Variants in EVA1C observed in about 807,000 individuals in gnomAD.
The protein encoded by EVA1C is eva-1 homolog C, also known as protein eva-1 homolog C.
EVA1C carries 25 observed loss-of-function variants against 45.4 expected under a neutral mutation model. That is an observed-to-expected ratio of 0.55 (90% CI 0.40 to 0.77). The LOEUF (loss-of-function observed/expected upper bound fraction) is 0.77, where lower values mean the gene tolerates loss of function less well. Ranked by LOEUF, EVA1C falls within the 30% of genes least tolerant of loss-of-function variation. The pLI, the probability that EVA1C is intolerant of heterozygous loss-of-function variation, is 0.00. For synonymous variants in EVA1C, 190 were observed against 221.2 expected, an observed-to-expected ratio of 0.86 and a Z score of 1.25; for missense variants, 479 against 554.8, an observed-to-expected ratio of 0.86 and a Z score of 1.37.
rs138933013 is a variant in EVA1C at position 32,489,944 on chromosome 21, G to C, written c.635-5083G>C. On this transcript the variant is annotated intron_variant, in intron 4 of 7. Transcript: ENST00000300255. Reference sequence around the variant, plus strand: ...AGCCTCCTGAGTAACTGGGATTACAGGCGTGTGCCACCGCGCCTGGCTAAT... The same window carrying C: ...AGCCTCCTGAGTAACTGGGATTACACGCGTGTGCCACCGCGCCTGGCTAAT... Among the ~76,000 whole-genome samples the C allele has an allele frequency of 6.2e-3, 946 of 152,198 alleles. 13 individuals are homozygous for C. Among genetic ancestry groups the C allele is most frequent in the African/African-American group, 0.022 (903 of 41,536 alleles).
chr21:32,497,649 A>G (rs558128946), intron 5 of EVA1C, among the ~76,000 whole-genome samples: 4 of 152,274 alleles, frequency 2.6e-5, no homozygotes, highest in African/African-American at 9.6e-5. Context: ...CTTCTTAGCT[A>G]ATTGTATTAG....
At chr21:32,497,680 A>G (rs540635264) in intron 5 of EVA1C, among the ~76,000 whole-genome samples, 1 of 152,282 alleles carries the variant, frequency 6.6e-6, no homozygotes, top group South Asian at 2.1e-4. Flanking sequence ...CACTGCTGAT[A>G]AAGACATACC....
intron 1 of EVA1C, among the ~76,000 whole-genome samples, chr21:32,426,578 C>T (rs987722415): frequency 1.3e-5 from 2 of 152,136 alleles, no homozygotes; most frequent in Non-Finnish European, 2.9e-5. Flanking sequence ...ACTTTGTGAA[C>T]AGTGCATTCA....
At chr21:32,451,295 C>G (rs1343577870) in intron 1 of EVA1C, among the ~76,000 whole-genome samples, 1 of 152,234 alleles carries the variant, frequency 6.6e-6, no homozygotes, top group Non-Finnish European at 1.5e-5. Flanking sequence ...GGCTGCCAAG[C>G]TGTCTCCCAC....
At chr21:32,453,199 ATGT>A (rs2035649016) in intron 1 of EVA1C, 110 bp from the exon 2 acceptor site, 12 of 676,632 alleles carry the variant, frequency 1.8e-5, no homozygotes, top group Non-Finnish European at 2.8e-5. Context: ...CCCATCCCAC[ATGT>A]TGTTGATTGA....
intron 5 of EVA1C, among the ~76,000 whole-genome samples, 186 bp from the exon 6 acceptor site, chr21:32,501,229 T>C (rs2037518449): frequency 1.4e-5 from 1 of 68,966 alleles, no homozygotes; most frequent in African/African-American, 6.2e-5. Context: ...CTGGAGCATT[T>C]GATGATCACA....
At chr21:32,506,992 A>C (rs2037744818) in intron 7 of EVA1C, among the ~76,000 whole-genome samples, 1 of 152,196 alleles carries the variant, frequency 6.6e-6, no homozygotes, top group African/African-American at 2.4e-5. Context: ...GAGTGAATCC[A>C]AAAGTACATT....
At chr21:32,435,167 T>C (rs1226165991) in intron 1 of EVA1C, among the ~76,000 whole-genome samples, 2 of 152,194 alleles carry the variant, frequency 1.3e-5, no homozygotes, top group African/African-American at 4.8e-5. Flanking sequence ...CCATCTCCTT[T>C]ATGAGGCCTT....
chr21:32,441,605 CAT>C (rs1377383332), intron 1 of EVA1C, among the ~76,000 whole-genome samples: 13 of 152,086 alleles, frequency 8.5e-5, no homozygotes, highest in African/African-American at 3.1e-4. Flanking sequence ...AATGGATTGA[CAT>C]GTGTAGACAA....
In EVA1C at chr21:32,472,159, ATTT is replaced by A. The variant is rs1277930543; in HGVS notation, c.634+4312_634+4314del. Reference sequence around the variant, plus strand: ...AAAGTTGGATTTAATTAATTAATTTATTTATTTATTTATTTTTGAGACAGACTC... The same window carrying A: ...AAAGTTGGATTTAATTAATTAATTTAATTTATTTATTTTTGAGACAGACTC... On this transcript the variant is annotated intron_variant, in intron 4 of 7. Coordinates refer to ENST00000300255, the MANE Select transcript of EVA1C (RefSeq NM_058187.5). Among the ~76,000 whole-genome samples the A allele has an allele frequency of 7.4e-4, 113 of 152,012 alleles. No homozygotes were observed. The Middle Eastern group carries it at 0.01, about 14-fold the overall frequency.
At chr21:32,508,283 C>T (rs1369358909) in intron 7 of EVA1C, among the ~76,000 whole-genome samples, 1 of 152,188 alleles carries the variant, frequency 6.6e-6, no homozygotes, top group African/African-American at 2.4e-5. Flanking sequence ...TCCGTCACTG[C>T]CCCTGCCCCC....
At chr21:32,498,994 T>G (rs2037443265) in intron 5 of EVA1C, among the ~76,000 whole-genome samples, 1 of 152,234 alleles carries the variant, frequency 6.6e-6, no homozygotes, top group African/African-American at 2.4e-5. Flanking sequence ...CAGAGCCATT[T>G]TCACATAGTA....
rs762168067 is a variant in EVA1C at position 32,495,166 on chromosome 21, A to G, written c.774A>G (p.Ala258=). Residue 258 remains alanine (A), a synonymous_variant, in exon 5 of 8, where the codon GCA becomes GCG. Coordinates refer to ENST00000300255, the MANE Select transcript of EVA1C (RefSeq NM_058187.5). The part of the protein sequence containing the change: ...GVKKYLTVTY[A]CVPKNILTAI... Reference sequence around the variant, plus strand: ...AAAAATACCTCACTGTGACCTACGCATGTGGTAAGAACACACCCCCGACCA... The same window carrying G: ...AAAAATACCTCACTGTGACCTACGCGTGTGGTAAGAACACACCCCCGACCA... 8 of 1,613,884 alleles carry G rather than the reference A, an allele frequency of 5.0e-6. No homozygotes were observed. The highest frequency in any genetic ancestry group is 6.8e-6 in the Non-Finnish European group (8 of 1,179,990).
chr21:32,507,917 G>A (rs897994353), intron 7 of EVA1C, among the ~76,000 whole-genome samples: 18 of 147,802 alleles, frequency 1.2e-4, no homozygotes, highest in South Asian at 1.1e-3. Flanking sequence ...GTGTGTGTGC[G>A]TGTGTGCCTG....
At position 32,419,453 on chromosome 21, in the gene EVA1C, G is replaced by A. The variant is rs1042756110; in HGVS notation, c.160+6440G>A. Among the ~76,000 whole-genome samples the A allele has an allele frequency of 2.6e-5, 4 of 152,180 alleles. No individual in the cohort carries two copies. The South Asian group carries it at 8.3e-4, about 31-fold the overall frequency. ...CTGATGGCCGGGCACTGTGGCTCAC[G>A]CCTGTAATCCCAACACTTTGGGAGG... On this transcript the variant is annotated intron_variant, in intron 1 of 7. Transcript: ENST00000300255.
At chr21:32,488,638 T>C (rs926053993) in intron 4 of EVA1C, among the ~76,000 whole-genome samples, 1 of 151,028 alleles carries the variant, frequency 6.6e-6, no homozygotes. Flanking sequence ...CAGGCTGGAG[T>C]GCAGTGGTGC....
chr21:32,441,622 C>T (rs1388247925), intron 1 of EVA1C, among the ~76,000 whole-genome samples: 1 of 151,884 alleles, frequency 6.6e-6, no homozygotes, highest in Non-Finnish European at 1.5e-5. Context: ...AGACAAATGC[C>T]GAGACAGCCA....
intron 1 of EVA1C, among the ~76,000 whole-genome samples, chr21:32,418,293 G>A (rs116684487): frequency 0.012 from 1,881 of 152,278 alleles, 41 homozygotes; most frequent in African/African-American, 0.043. Context: ...TTGTCTAGAG[G>A]CCACAGAAGA....
intron 5 of EVA1C, among the ~76,000 whole-genome samples, chr21:32,500,560 CA>C (rs1488968921): frequency 6.6e-6 from 1 of 152,126 alleles, no homozygotes; most frequent in Non-Finnish European, 1.5e-5. Context: ...CACTACCCTC[CA>C]GTTTTAAAAC....
Sources: allele counts gnomAD v4.1 joint callset (sites outside exome capture counted in the v4.1 genomes callset), GRCh38; gene constraint gnomAD v4.1.1; transcripts MANE v1.5; gene names NCBI Gene and HGNC (gene_info 2026-07-23, HGNC 2026-07-21).